UGT2A2: variants seen among roughly 807,000 people sequenced by gnomAD.
The protein encoded by UGT2A2 is UDP glucuronosyltransferase family 2 member A2.
UGT2A2 carries 60 observed loss-of-function variants against 50.7 expected under a neutral mutation model. That is an observed-to-expected ratio of 1.18 (90% CI 0.96 to 1.47). The LOEUF is 1.47. Among genes scored for constraint, UGT2A2 ranks in the 40% most tolerant of loss-of-function variants. The pLI, the probability that UGT2A2 is intolerant of heterozygous loss-of-function variation, is 0.00. For synonymous variants in UGT2A2, 242 were observed against 214.6 expected (o/e 1.13, Z -1.11); for missense variants, 762 against 634.0 (o/e 1.20, Z -2.17).
intron 1 of UGT2A2, among the ~76,000 whole-genome samples, chr4:69,623,891 G>C (rs1412577835): frequency 6.6e-6 from 1 of 151,450 alleles, no homozygotes; most frequent in Non-Finnish European, 1.5e-5. Context: ...AAACAAGAAA[G>C]ATAAAGATTT....
chr4:69,638,824 G>A (rs1320613226), intron 1 of UGT2A2, 75 bp downstream of exon 1: 4 of 1,446,190 alleles, frequency 2.8e-6, no homozygotes, highest in Non-Finnish European at 3.7e-6. Flanking sequence ...CAGTGGAATG[G>A]AAATCGTTTG....
Position 69,639,344 on chromosome 4 carries a change from C to T in UGT2A2, c.297G>A (p.Met99Ile), listed in dbSNP as rs367844273. 7.4e-6 allele frequency: 12 copies of T among 1,613,552 alleles called. No individual in the cohort carries two copies. The highest frequency in any genetic ancestry group is 2.2e-5 in the East Asian group (1 of 44,880). ...KSNIDSLIEH[M>I]IMLWIDHRPT... ...GTCTATGGTCAATCCACAGCATTAT[C>T]ATATGCTCAATTAAGGAATCTATAT... Residue 99 changes from methionine (M) to isoleucine (I), a missense_variant, in exon 1 of 6, where the codon ATG (methionine) becomes ATA (isoleucine). Met to Ile is a conservative substitution (Grantham distance 10). Transcript: ENST00000604629.
intron 1 of UGT2A2, among the ~76,000 whole-genome samples, chr4:69,607,183 A>ACTAACCAAAACAGCCTG (rs1390324533): frequency 7.4e-6 from 1 of 135,074 alleles, no homozygotes; most frequent in Non-Finnish European, 1.6e-5. Flanking sequence ...GCAAGGCTAC[A>ACTAACCAAAACAGCCTG]GTAACCAAAA....
At chr4:69,633,874 C>A (rs1721522451) in intron 1 of UGT2A2, among the ~76,000 whole-genome samples, 1 of 151,980 alleles carries the variant, frequency 6.6e-6, no homozygotes, top group South Asian at 2.1e-4. Flanking sequence ...GTGCTGGTTG[C>A]AAGGGTGGGG....
At chr4:69,604,773 A>C (rs1281901957) in intron 1 of UGT2A2, among the ~76,000 whole-genome samples, 1 of 136,594 alleles carries the variant, frequency 7.3e-6, no homozygotes, top group Non-Finnish European at 1.6e-5. Context: ...TTGCAATCCT[A>C]GTCTCTGATA....
rs1170787910 is a variant in UGT2A2, at chr4:69,628,653, G to A, written c.742+10246C>T. ...AGAACTTTTTTGAATTAATACAATGGTTATATATTTAACATAAGCTTAAAT... is the reference window on the plus strand; with the variant it reads ...AGAACTTTTTTGAATTAATACAATGATTATATATTTAACATAAGCTTAAAT... On this transcript the variant is annotated intron_variant, in intron 1 of 5. Coordinates refer to ENST00000604629, the MANE Select transcript of UGT2A2 (RefSeq NM_001105677.2). 2.7e-5 allele frequency among the ~76,000 whole-genome samples: 4 copies of A among 148,658 alleles called. No individual in the cohort carries two copies. In the East Asian group the frequency reaches 7.9e-4, roughly 29 times the overall value.
intron 1 of UGT2A2, among the ~76,000 whole-genome samples, chr4:69,610,927 G>T (rs984223258): frequency 3.3e-5 from 5 of 152,118 alleles, no homozygotes; most frequent in Non-Finnish European, 7.4e-5. Context: ...TTCATACCCA[G>T]TATAACCTTT....
At chr4:69,635,811 G>GT in intron 1 of UGT2A2, 1 of 54,780 alleles carries the variant, frequency 1.8e-5, no homozygotes, top group East Asian at 9.7e-4. Context: ...GGGCAACAGA[G>GT]TAAGAGTCCA....
chr4:69,599,541 A>G (rs1719136499), intron 1 of UGT2A2, 147 bp from the exon 2 acceptor site: 1 of 1,141,270 alleles, frequency 8.8e-7, no homozygotes, highest in East Asian at 2.9e-5. Context: ...ATATATTAAG[A>G]AGAAGGAGAA....
intron 1 of UGT2A2, among the ~76,000 whole-genome samples, chr4:69,631,957 T>A (rs1049888964): frequency 1.3e-5 from 2 of 152,304 alleles, no homozygotes; most frequent in South Asian, 4.2e-4. Context: ...AATAATATCA[T>A]TAAAATGACA....
chr4:69,594,629 G>C lies in UGT2A2; in HGVS notation c.1179C>G (p.His393Gln), dbSNP rs371172386. Reference protein sequence around the residue: ...GTNGIYEAIYHGVPMVGVPMF... With the variant: ...GTNGIYEAIYQGVPMVGVPMF... ...TGGGAACTCCCACCATAGGGACTCC[G>C]TGGTAAATAGCTTCGTAGATCCCAT... The change falls in exon 5 of 6, where the codon CAC becomes CAG. Residue 393 changes from histidine to glutamine, a missense_variant. Physicochemically the swap from His to Gln is conservative, Grantham distance 24 (BLOSUM62 0). Coordinates refer to ENST00000604629, the MANE Select transcript of UGT2A2 (RefSeq NM_001105677.2). 1.2e-6 allele frequency: 2 copies of C among 1,614,094 alleles called. No individual in the cohort carries two copies.
At chr4:69,607,821 G>A (rs1719749828) in intron 1 of UGT2A2, among the ~76,000 whole-genome samples, 1 of 152,150 alleles carries the variant, frequency 6.6e-6, no homozygotes. Context: ...ATGAAAAAAT[G>A]CTCATCATCA....
intron 1 of UGT2A2, chr4:69,635,667 T>C: frequency 3.9e-6 from 1 of 255,112 alleles, no homozygotes. Flanking sequence ...TCGTCTCTAT[T>C]AAAAATACAA....
chr4:69,625,181 T>C (rs1296981223), intron 1 of UGT2A2, among the ~76,000 whole-genome samples: 2 of 151,038 alleles, frequency 1.3e-5, no homozygotes, highest in Non-Finnish European at 3.0e-5. Context: ...TTTTCTTTGC[T>C]AGATGAAGTA....
At chr4:69,624,263 G>T (rs1208876710) in intron 1 of UGT2A2, among the ~76,000 whole-genome samples, 1 of 151,214 alleles carries the variant, frequency 6.6e-6, no homozygotes, top group Non-Finnish European at 1.5e-5. Context: ...TTCTCTGAAG[G>T]TCTAATTTAT....
chr4:69,615,172 C>G (rs1170205451), intron 1 of UGT2A2, among the ~76,000 whole-genome samples: 1 of 151,970 alleles, frequency 6.6e-6, no homozygotes, highest in African/African-American at 2.4e-5. Context: ...CAATCTCTAT[C>G]TCTCACCATA....
chr4:69,589,175 A>G lies in UGT2A2; in HGVS notation c.*197T>C. 1 of 646,130 alleles carries G rather than the reference A, an allele frequency of 1.5e-6. No homozygotes were observed. The highest frequency in any genetic ancestry group is 1.8e-5 in the African/African-American group (1 of 54,680). 40.0% of individuals were successfully genotyped at this position (646,130 alleles called of 1,614,324 possible). On this transcript the variant is annotated 3_prime_UTR_variant, in exon 6 of 6. Transcript: ENST00000604629. ...AGAGACAAAGGAAAAATAGAAGACT[A>G]TAACTCACAAGTTAATAATAATCAT... is the stretch of plus-strand genomic sequence containing the variant.
At chr4:69,607,525 T>C (rs1256513694) in intron 1 of UGT2A2, among the ~76,000 whole-genome samples, 12 of 151,824 alleles carry the variant, frequency 7.9e-5, no homozygotes, top group Non-Finnish European at 1.8e-4. Context: ...ACTTCATGTC[T>C]AAAACACCAA....
intron 1 of UGT2A2, among the ~76,000 whole-genome samples, chr4:69,612,853 G>A (rs1374564836): frequency 1.4e-5 from 2 of 148,038 alleles, no homozygotes; most frequent in African/African-American, 5.0e-5. Context: ...AAAAGCAATT[G>A]CAACTGAAAC....
Sources: gnomAD v4.1 joint callset for allele counts (sites outside exome capture counted in the v4.1 genomes callset) on GRCh38, gnomAD v4.1.1 for gene constraint, MANE v1.5 for transcripts, NCBI Gene and HGNC (gene_info 2026-07-23, HGNC 2026-07-21) for gene names.